Variants in PACS1 observed in about 807,000 individuals in gnomAD.
The protein encoded by PACS1 is PACS-1.
Under a neutral mutation model 115.0 loss-of-function variants are expected in PACS1, and 24 were observed. The observed-to-expected ratio is 0.21, with a 90% confidence interval of 0.15 to 0.29. The LOEUF is 0.29. Among genes scored for constraint, PACS1 ranks in the 10% least tolerant of loss-of-function variants. The pLI, the probability that PACS1 is intolerant of heterozygous loss-of-function variation, is 1.00. For missense variants in PACS1, 838 were observed against 1,251.2 expected, an observed-to-expected ratio of 0.67 and a Z score of 4.98; for synonymous variants, 453 against 504.5, an observed-to-expected ratio of 0.90 and a Z score of 1.37.
chr11:66,081,807 C>A (rs1056659062), intron 1 of PACS1, among the ~76,000 whole-genome samples: 1 of 152,210 alleles, frequency 6.6e-6, no homozygotes, highest in Non-Finnish European at 1.5e-5. Flanking sequence ...TGCCATTTGT[C>A]ACCGGTGAAA....
rs1317258999 is a variant in PACS1, at chr11:66,169,881, G to A, written c.357-23605G>A. On this transcript the variant is annotated intron_variant, in intron 1 of 23. Coordinates refer to ENST00000320580, the MANE Select transcript of PACS1 (RefSeq NM_018026.4). The stretch of plus-strand genomic sequence containing the variant: ...CCTCCTTTTGATCCTCTGGAAGAAT[G>A]TATATAAGATTAAAATGATATTTTC... 2.0e-5 allele frequency among the ~76,000 whole-genome samples: 3 copies of A among 150,348 alleles called. 1 individual carries two copies. Among genetic ancestry groups the A allele is most frequent in the African/African-American group, 7.5e-5 (3 of 39,752 alleles).
intron 1 of PACS1, among the ~76,000 whole-genome samples, chr11:66,111,548 A>G (rs948708917): frequency 4.6e-5 from 7 of 152,156 alleles, no homozygotes; most frequent in Non-Finnish European, 1.0e-4. Context: ...ACAACGCCAA[A>G]CCTGTTTTTC....
intron 1 of PACS1, among the ~76,000 whole-genome samples, chr11:66,113,501 C>T (rs1401189562): frequency 1.3e-5 from 2 of 152,164 alleles, no homozygotes; most frequent in African/African-American, 2.4e-5. Context: ...GACTAAGTAT[C>T]TCCAAACAGA....
At chr11:66,211,842 C>G (rs926197705) in intron 4 of PACS1, among the ~76,000 whole-genome samples, 10 of 152,206 alleles carry the variant, frequency 6.6e-5, no homozygotes, top group African/African-American at 2.4e-4. Flanking sequence ...GCCTGGGATC[C>G]GATCTAGGAT....
intron 1 of PACS1, among the ~76,000 whole-genome samples, chr11:66,117,569 G>A (rs1286929166): frequency 1.3e-5 from 2 of 152,044 alleles, no homozygotes; most frequent in East Asian, 1.9e-4. Flanking sequence ...TGTTATGGCC[G>A]GGCGTGGTGG....
chr11:66,091,501 T>A (rs1263860187), intron 1 of PACS1, among the ~76,000 whole-genome samples: 1 of 148,884 alleles, frequency 6.7e-6, no homozygotes, highest in East Asian at 1.9e-4. Context: ...GTTGTTGTTG[T>A]TGTTTTTTTT....
At chr11:66,128,800 C>G (rs753873635) in intron 1 of PACS1, among the ~76,000 whole-genome samples, 21 of 151,544 alleles carry the variant, frequency 1.4e-4, no homozygotes, top group Non-Finnish European at 2.8e-4. Flanking sequence ...AGGAGAATCA[C>G]TTGAACCCGT....
At chr11:66,177,165 G>T (rs1859884233) in intron 1 of PACS1, among the ~76,000 whole-genome samples, 2 of 152,142 alleles carry the variant, frequency 1.3e-5, no homozygotes, top group Non-Finnish European at 2.9e-5. Flanking sequence ...AGGATCTCCA[G>T]GTTTAAAAAT....
chr11:66,172,974 CAA>C (rs10684950), intron 1 of PACS1, among the ~76,000 whole-genome samples: 27 of 88,354 alleles, frequency 3.1e-4, no homozygotes, highest in Admixed American at 8.8e-4. Context: ...GACTCTGTCT[CAA>C]AAAAAAAAAA....
intron 1 of PACS1, among the ~76,000 whole-genome samples, chr11:66,182,339 G>C (rs576992158): frequency 6.6e-6 from 1 of 152,116 alleles, no homozygotes; most frequent in Non-Finnish European, 1.5e-5. Context: ...TATCCCTAAG[G>C]ATGTTCCTTA....
chr11:66,098,650 C>G (rs984253274), intron 1 of PACS1, among the ~76,000 whole-genome samples: 4 of 152,220 alleles, frequency 2.6e-5, no homozygotes, highest in Non-Finnish European at 5.9e-5. Flanking sequence ...GCTGCCCCAA[C>G]TATATCTCAT....
At chr11:66,190,959 GT>G (rs1267873795) in intron 1 of PACS1, among the ~76,000 whole-genome samples, 1 of 152,210 alleles carries the variant, frequency 6.6e-6, no homozygotes, top group Non-Finnish European at 1.5e-5. Flanking sequence ...GGGATGAGGG[GT>G]GGTTCACTTC....
At chr11:66,072,778 A>G (rs184854905) in intron 1 of PACS1, among the ~76,000 whole-genome samples, 62 of 151,816 alleles carry the variant, frequency 4.1e-4, no homozygotes, top group Non-Finnish European at 7.5e-4. Flanking sequence ...TTTCTCCTTC[A>G]CTTTCATGCC....
chr11:66,207,221 C>T (rs1590818835), intron 2 of PACS1, among the ~76,000 whole-genome samples: 1 of 152,240 alleles, frequency 6.6e-6, no homozygotes, highest in Non-Finnish European at 1.5e-5. Flanking sequence ...AATACCAGCA[C>T]TTTGGGAGGC....
chr11:66,087,792 A>G (rs151255196), intron 1 of PACS1, among the ~76,000 whole-genome samples: 10 of 152,324 alleles, frequency 6.6e-5, no homozygotes, highest in African/African-American at 1.4e-4. Context: ...TCTCTGCAGT[A>G]TATACCTGGG....
chr11:66,164,621 T>TATATAATATATAATACATATATATA (rs1565130507), intron 1 of PACS1, among the ~76,000 whole-genome samples: 1 of 97,862 alleles, frequency 1.0e-5, no homozygotes, highest in African/African-American at 3.7e-5. Flanking sequence ...ATATATGTAT[T>TATATAATATATAATACATATATATA]TTTTTTTTGT....
Position 66,168,287 on chromosome 11 carries a change from A to G in PACS1, c.357-25199A>G, listed in dbSNP as rs143630735. Among the ~76,000 whole-genome samples the G allele has an allele frequency of 7.0e-4, 105 of 150,598 alleles. 11 individuals are homozygous for G. Among genetic ancestry groups the G allele is most frequent in the African/African-American group, 2.5e-3 (100 of 39,928 alleles). On this transcript the variant is annotated intron_variant, in intron 1 of 23. Coordinates refer to ENST00000320580, the MANE Select transcript of PACS1 (RefSeq NM_018026.4). ...GGTGTTGTATTAATTTTTTATATCA[A>G]TTTGGAGGAGAATCAACGTATCAAT...
At chr11:66,239,421 G>A (rs951981794) in intron 21 of PACS1, 144 bp downstream of exon 21, 1 of 966,138 alleles carries the variant, frequency 1.0e-6, no homozygotes, top group Non-Finnish European at 1.5e-6. Flanking sequence ...TACTCAGGCT[G>A]AGGCAGGAGG....
At chr11:66,240,590 T>C (rs1481115432) in intron 21 of PACS1, among the ~76,000 whole-genome samples, 1 of 152,012 alleles carries the variant, frequency 6.6e-6, no homozygotes, top group East Asian at 1.9e-4. Flanking sequence ...TTCAGGGTCT[T>C]CTGGAGGGAA....
Sources: allele counts gnomAD v4.1 joint callset (sites outside exome capture counted in the v4.1 genomes callset), GRCh38; gene constraint gnomAD v4.1.1; transcripts MANE v1.5; gene names NCBI Gene and HGNC (gene_info 2026-07-23, HGNC 2026-07-21).